ADTRP: variants seen among roughly 807,000 people sequenced by gnomAD.
ADTRP encodes androgen dependent TFPI regulating protein.
ADTRP carries 20 observed loss-of-function variants against 27.0 expected under a neutral mutation model. That is an observed-to-expected ratio of 0.74 (90% CI 0.52 to 1.08). ADTRP has a LOEUF of 1.08. Ranked by LOEUF, ADTRP falls within the 50% of genes least tolerant of loss-of-function variation. The pLI, the probability that ADTRP is intolerant of heterozygous loss-of-function variation, is 0.00. For synonymous variants in ADTRP, 101 were observed against 105.2 expected (o/e 0.96, Z 0.25); for missense variants, 251 against 275.0 (o/e 0.91, Z 0.62).
intron 3 of ADTRP, among the ~76,000 whole-genome samples, chr6:11,738,117 C>T (rs1039650482): frequency 1.3e-5 from 2 of 152,204 alleles, no homozygotes; most frequent in South Asian, 2.1e-4. Flanking sequence ...TGGAGAGCTT[C>T]AGTGAGCATT....
chr6:11,775,862 T>C (rs768948118), intron 1 of ADTRP, among the ~76,000 whole-genome samples: 1 of 152,140 alleles, frequency 6.6e-6, no homozygotes, highest in Non-Finnish European at 1.5e-5. Context: ...TTCAAGCTGT[T>C]TACGAGGAGG....
chr6:11,739,451 C>T (rs949761012), intron 3 of ADTRP, among the ~76,000 whole-genome samples: 4 of 152,124 alleles, frequency 2.6e-5, no homozygotes, highest in African/African-American at 9.7e-5. Context: ...TTATACCTTC[C>T]CCCCACCATC....
chr6:11,769,349 T>C (rs1039050415), intron 1 of ADTRP, among the ~76,000 whole-genome samples: 1 of 152,056 alleles, frequency 6.6e-6, no homozygotes, highest in Admixed American at 6.5e-5. Flanking sequence ...AAGGTGGCTG[T>C]TGGGGAACAA....
intron 3 of ADTRP, among the ~76,000 whole-genome samples, chr6:11,747,809 G>A (rs1021442089): frequency 2.0e-5 from 3 of 152,152 alleles, no homozygotes; most frequent in African/African-American, 7.2e-5. Context: ...GAAAGGGGCT[G>A]TTTCTTTTTT....
At chr6:11,737,343 G>T (rs968589993) in intron 3 of ADTRP, among the ~76,000 whole-genome samples, 6 of 152,052 alleles carry the variant, frequency 3.9e-5, no homozygotes, top group African/African-American at 1.5e-4. Context: ...TTGTTCCTGA[G>T]CCCCAGGGCA....
intron 3 of ADTRP, among the ~76,000 whole-genome samples, chr6:11,742,977 T>G (rs1762764302): frequency 6.6e-6 from 1 of 152,216 alleles, no homozygotes; most frequent in South Asian, 2.1e-4. Flanking sequence ...CTTGGAGAAA[T>G]TAAAAGAGTC....
intron 4 of ADTRP, among the ~76,000 whole-genome samples, chr6:11,727,804 G>T (rs9394271): frequency 0.063 from 9,554 of 152,090 alleles, 815 homozygotes; most frequent in East Asian, 0.46. Context: ...TTTACCAAGG[G>T]TACTCAGCAG....
At chr6:11,749,625 G>T (rs866142464) in intron 3 of ADTRP, among the ~76,000 whole-genome samples, 1 of 152,146 alleles carries the variant, frequency 6.6e-6, no homozygotes, top group Non-Finnish European at 1.5e-5. Flanking sequence ...AGGGAGTGTG[G>T]CATCAAAGGG....
At chr6:11,757,989 C>T (rs1181084428) in intron 3 of ADTRP, among the ~76,000 whole-genome samples, 1 of 152,202 alleles carries the variant, frequency 6.6e-6, no homozygotes, top group Non-Finnish European at 1.5e-5. Context: ...GCCTTGGGCT[C>T]AGACATTTCT....
chr6:11,725,027 A>G (rs1762140311), intron 4 of ADTRP, among the ~76,000 whole-genome samples: 1 of 152,252 alleles, frequency 6.6e-6, no homozygotes, highest in Admixed American at 6.5e-5. Flanking sequence ...AGGAATTCAG[A>G]TGGAAGAATG....
intron 4 of ADTRP, among the ~76,000 whole-genome samples, chr6:11,730,241 T>A (rs921922208): frequency 6.6e-6 from 1 of 152,290 alleles, no homozygotes; most frequent in South Asian, 2.1e-4. Context: ...AATTTTCATA[T>A]ATGAATTTAC....
intron 4 of ADTRP, among the ~76,000 whole-genome samples, chr6:11,729,975 A>T (rs1370514959): frequency 1.3e-5 from 2 of 152,214 alleles, no homozygotes; most frequent in Admixed American, 1.3e-4. Context: ...TTGTTTCAAC[A>T]ATGTGTCTCA....
chr6:11,741,394 T>A (rs1007276040), intron 3 of ADTRP, among the ~76,000 whole-genome samples: 1 of 152,218 alleles, frequency 6.6e-6, no homozygotes, highest in African/African-American at 2.4e-5. Flanking sequence ...AAATTTGTCA[T>A]AATAAGACAT....
At chr6:11,770,184 A>C in intron 1 of ADTRP, 2 of 1,132,778 alleles carry the variant, frequency 1.8e-6, no homozygotes, top group Non-Finnish European at 2.6e-6. Context: ...TCCAGGTGGG[A>C]GAATGAACGA....
chr6:11,724,082 C>CAAAG (rs1167247206), intron 4 of ADTRP, among the ~76,000 whole-genome samples: 2 of 151,300 alleles, frequency 1.3e-5, no homozygotes, highest in African/African-American at 4.9e-5. Flanking sequence ...AACAAACAAA[C>CAAAG]AAACAAACAT....
intron 3 of ADTRP, among the ~76,000 whole-genome samples, chr6:11,757,377 T>C (rs1195796290): frequency 2.0e-5 from 3 of 152,176 alleles, no homozygotes; most frequent in Admixed American, 6.5e-5. Flanking sequence ...GCCTACAGAA[T>C]AGAAACAAAA....
chr6:11,717,509 G>A (rs1761872000), intron 5 of ADTRP: 2 of 1,174,458 alleles, frequency 1.7e-6, no homozygotes, highest in East Asian at 6.8e-5. Context: ...TTAGAAATCA[G>A]GATAAATAAA....
chr6:11,754,081 C>T (rs1763136493), intron 3 of ADTRP, among the ~76,000 whole-genome samples: 2 of 152,256 alleles, frequency 1.3e-5, no homozygotes, highest in South Asian at 4.1e-4. Flanking sequence ...ACGTAGAATC[C>T]CTAAGATCAG....
chr6:11,716,719 C>CTTTTTCTTTTTTTTT (rs200468981), intron 5 of ADTRP, among the ~76,000 whole-genome samples: 35 of 125,394 alleles, frequency 2.8e-4, no homozygotes, highest in Non-Finnish European at 4.9e-4. Context: ...TTTTCTTTTT[C>CTTTTTCTTTTTTTTT]TTTTTTTTTT....
Sources: gnomAD v4.1 joint callset for allele counts (sites outside exome capture counted in the v4.1 genomes callset) on GRCh38, gnomAD v4.1.1 for gene constraint, MANE v1.5 for transcripts, NCBI Gene and HGNC (gene_info 2026-07-23, HGNC 2026-07-21) for gene names.